CSMD1: variants seen among roughly 807,000 people sequenced by gnomAD.
The protein encoded by CSMD1 is CUB and sushi domain-containing protein 1.
Under a neutral mutation model 417.5 loss-of-function variants are expected in CSMD1, and 213 were observed. The ratio of observed to expected loss-of-function variants is 0.51; its 90% confidence interval spans 0.46 to 0.57. The LOEUF (loss-of-function observed/expected upper bound fraction) is 0.57, where lower values mean the gene tolerates loss of function less well. CSMD1 is among the 20% of genes least tolerant of loss of function. The pLI, the probability that CSMD1 is intolerant of heterozygous loss-of-function variation, is 0.00. For missense variants in CSMD1, 6,923 were observed against 4,529.7 expected, an observed-to-expected ratio of 1.53 and a Z score of -15.17; for synonymous variants, 2,862 against 1,736.8, an observed-to-expected ratio of 1.65 and a Z score of -16.11.
intron 23 of CSMD1, among the ~76,000 whole-genome samples, chr8:3,328,553 T>C (rs1279672590): frequency 1.3e-5 from 2 of 152,238 alleles, no homozygotes; most frequent in Non-Finnish European, 2.9e-5. Context: ...CTGTTTTTCC[T>C]GGCCCACAGC....
chr8:4,928,615 A>C (rs1442741767), intron 1 of CSMD1, among the ~76,000 whole-genome samples: 2 of 152,188 alleles, frequency 1.3e-5, no homozygotes, highest in African/African-American at 4.8e-5. Context: ...ACGCGCTGAG[A>C]AGTAACTGGC....
At chr8:3,847,897 G>A (rs7012635) in intron 5 of CSMD1, among the ~76,000 whole-genome samples, 152,198 of 152,306 alleles carry the variant, frequency 1, 76,045 homozygotes, top group Middle Eastern at 1. Context: ...AACTCTATCC[G>A]TTTTCTCTCC....
At chr8:3,170,490 G>C (rs1006071245) in intron 37 of CSMD1, among the ~76,000 whole-genome samples, 1 of 152,210 alleles carries the variant, frequency 6.6e-6, no homozygotes, top group Non-Finnish European at 1.5e-5. Context: ...TTACAGGCGT[G>C]AGCCACCGTG....
chr8:3,960,937 G>A (rs1444221339), intron 5 of CSMD1, among the ~76,000 whole-genome samples: 2 of 151,680 alleles, frequency 1.3e-5, no homozygotes, highest in African/African-American at 2.4e-5. Context: ...TGGAATAAAT[G>A]GATAATACTA....
intron 1 of CSMD1, among the ~76,000 whole-genome samples, chr8:4,850,711 T>C (rs1801424705): frequency 6.6e-6 from 1 of 151,940 alleles, no homozygotes; most frequent in South Asian, 2.1e-4. Flanking sequence ...AAGTGCAGAG[T>C]GTCGTGAAGC....
Position 4,752,461 on chromosome 8 carries a change from G to A in CSMD1, c.86-114903C>T, listed in dbSNP as rs1028420093. Among the ~76,000 whole-genome samples, 5 of 152,248 alleles carry A rather than the reference G, an allele frequency of 3.3e-5. No individual in the cohort carries two copies. In the East Asian group the frequency reaches 7.7e-4, roughly 24 times the overall value. ...CATAAAACCTTAGGTACTACCTCGGGTGATGAAGGAGAGATCTTTGCTAGT... is the reference window on the plus strand; with the variant it reads ...CATAAAACCTTAGGTACTACCTCGGATGATGAAGGAGAGATCTTTGCTAGT... On this transcript the variant is annotated intron_variant, in intron 1 of 69. Transcript: ENST00000635120.
chr8:4,224,500 G>A (rs1801228855), intron 3 of CSMD1, among the ~76,000 whole-genome samples: 1 of 152,134 alleles, frequency 6.6e-6, no homozygotes, highest in African/African-American at 2.4e-5. Flanking sequence ...TCAGTTCAGT[G>A]TCTACTAAAT....
chr8:4,474,589 T>C (rs904671437), intron 2 of CSMD1, among the ~76,000 whole-genome samples: 4 of 152,142 alleles, frequency 2.6e-5, no homozygotes, highest in Non-Finnish European at 1.5e-5. Context: ...CTTTAGGCGG[T>C]GTTTCTGTGT....
chr8:4,548,815 T>C (rs897571968), intron 2 of CSMD1, among the ~76,000 whole-genome samples: 1 of 152,116 alleles, frequency 6.6e-6, no homozygotes, highest in African/African-American at 2.4e-5. Flanking sequence ...ACCTGATATA[T>C]GGAGAGCATA....
intron 2 of CSMD1, among the ~76,000 whole-genome samples, chr8:4,525,335 C>G (rs548542908): frequency 6.6e-6 from 1 of 152,252 alleles, no homozygotes; most frequent in South Asian, 2.1e-4. Context: ...GGGGATTTCT[C>G]AGCAGACAGT....
intron 3 of CSMD1, among the ~76,000 whole-genome samples, chr8:4,348,465 G>A (rs1187077963): frequency 6.6e-6 from 1 of 152,002 alleles, no homozygotes; most frequent in Non-Finnish European, 1.5e-5. Flanking sequence ...ATTTGCTGAA[G>A]TATCTTCATA....
At chr8:4,836,910 G>T (rs145280464) in intron 1 of CSMD1, among the ~76,000 whole-genome samples, 54 of 152,262 alleles carry the variant, frequency 3.5e-4, no homozygotes, top group African/African-American at 1.3e-3. Flanking sequence ...TATGGTTGCT[G>T]CTGTGTAGAG....
chr8:3,984,724 T>TC (rs1814180320), intron 5 of CSMD1, among the ~76,000 whole-genome samples: 2 of 64,316 alleles, frequency 3.1e-5, no homozygotes, highest in African/African-American at 1.2e-4. Context: ...TATATATATA[T>TC]ATATATATAT....
intron 5 of CSMD1, among the ~76,000 whole-genome samples, chr8:3,862,072 T>A (rs568722745): frequency 7.2e-5 from 11 of 152,330 alleles, no homozygotes; most frequent in Non-Finnish European, 1.6e-4. Context: ...CCCATGTGCC[T>A]TTCTTTTTGC....
chr8:3,747,887 G>T (rs1425605678), intron 6 of CSMD1, among the ~76,000 whole-genome samples: 3 of 152,110 alleles, frequency 2.0e-5, no homozygotes, highest in Non-Finnish European at 2.9e-5. Flanking sequence ...GTCTGAGGAA[G>T]GTCCTCAGTG....
intron 3 of CSMD1, among the ~76,000 whole-genome samples, chr8:4,165,824 G>C (rs1219242476): frequency 2.0e-5 from 3 of 152,162 alleles, no homozygotes; most frequent in African/African-American, 7.2e-5. Flanking sequence ...TTACTAGGTT[G>C]TTGCAAAACT....
chr8:4,481,795 A>T (rs1801113642), intron 2 of CSMD1, among the ~76,000 whole-genome samples: 1 of 152,176 alleles, frequency 6.6e-6, no homozygotes, highest in Non-Finnish European at 1.5e-5. Context: ...TGAGCACATA[A>T]TGGGATTAAC....
At chr8:3,618,253 C>G (rs898807145) in intron 7 of CSMD1, among the ~76,000 whole-genome samples, 2 of 152,136 alleles carry the variant, frequency 1.3e-5, no homozygotes, top group Non-Finnish European at 2.9e-5. Flanking sequence ...GACACTCGCA[C>G]TGTGGCCTCC....
chr8:3,198,039 A>G (rs1054305233), intron 33 of CSMD1, among the ~76,000 whole-genome samples: 2 of 152,222 alleles, frequency 1.3e-5, no homozygotes, highest in Non-Finnish European at 2.9e-5. Flanking sequence ...GAGGACAAGA[A>G]AAATAAATTT....
Sources: allele counts gnomAD v4.1 joint callset (sites outside exome capture counted in the v4.1 genomes callset), GRCh38; gene constraint gnomAD v4.1.1; transcripts MANE v1.5; gene names NCBI Gene and HGNC (gene_info 2026-07-23, HGNC 2026-07-21).